The following RBMS3 variants were observed in gnomAD, a reference collection of about 807,000 sequenced individuals.
RBMS3 encodes the protein RNA binding motif single stranded interacting protein 3, also known as RNA-binding motif, single-stranded-interacting protein 3.
In RBMS3, 27 loss-of-function variants were observed where a neutral mutation model predicts 66.8. The observed-to-expected ratio is 0.40, with a 90% CI of 0.30 to 0.56. The LOEUF (loss-of-function observed/expected upper bound fraction) is 0.56. Among genes scored for constraint, RBMS3 ranks in the 20% least tolerant of loss-of-function variants. RBMS3 has a pLI of 0.40. For synonymous variants in RBMS3, 188 were observed against 183.0 expected (o/e 1.03, Z -0.22); for missense variants, 513 against 549.5 (o/e 0.93, Z 0.66).
chr3:29,621,084 A>G (rs768390988), intron 4 of RBMS3, among the ~76,000 whole-genome samples: 2 of 152,198 alleles, frequency 1.3e-5, no homozygotes, highest in Middle Eastern at 3.4e-3. Flanking sequence ...ATGCAGGCCC[A>G]TGTCAGAATT....
chr3:29,743,037 C>T (rs1168305431), intron 5 of RBMS3, among the ~76,000 whole-genome samples: 1 of 152,254 alleles, frequency 6.6e-6, no homozygotes, highest in South Asian at 2.1e-4. Flanking sequence ...AAAAGTATTT[C>T]GTTCTCCATG....
chr3:29,348,144 T>C (rs2036689062), intron 1 of RBMS3, among the ~76,000 whole-genome samples: 1 of 152,212 alleles, frequency 6.6e-6, no homozygotes, highest in Non-Finnish European at 1.5e-5. Context: ...TCCGGGATGC[T>C]GCATACTTGA....
intron 4 of RBMS3, among the ~76,000 whole-genome samples, chr3:29,643,406 C>T (rs1035279539): frequency 1.3e-5 from 2 of 152,058 alleles, no homozygotes; most frequent in African/African-American, 4.8e-5. Context: ...TGACTTCTTC[C>T]CCCAGAGTGG....
At chr3:29,461,741 T>G (rs2042373779) in intron 2 of RBMS3, among the ~76,000 whole-genome samples, 1 of 149,828 alleles carries the variant, frequency 6.7e-6, no homozygotes, top group Admixed American at 6.6e-5. Flanking sequence ...ATTTTCTGAG[T>G]CTCTACTTCT....
At chr3:29,730,074 T>G (rs931890973) in intron 4 of RBMS3, among the ~76,000 whole-genome samples, 8 of 151,940 alleles carry the variant, frequency 5.3e-5, no homozygotes, top group African/African-American at 1.9e-4. Flanking sequence ...CAACAAATAG[T>G]TTATATAAAA....
At chr3:29,562,803 G>A (rs1559471173) in intron 3 of RBMS3, among the ~76,000 whole-genome samples, 1 of 152,100 alleles carries the variant, frequency 6.6e-6, no homozygotes, top group Non-Finnish European at 1.5e-5. Context: ...CATAAGCATA[G>A]GTTATCTTTG....
chr3:29,960,112 C>G (rs1696326074), intron 12 of RBMS3, among the ~76,000 whole-genome samples: 7 of 152,122 alleles, frequency 4.6e-5, no homozygotes, highest in Admixed American at 3.3e-4. Flanking sequence ...TTCCTTCCAC[C>G]TATGAGCCTG....
intron 4 of RBMS3, among the ~76,000 whole-genome samples, chr3:29,725,968 T>C (rs1175329015): frequency 6.6e-6 from 1 of 152,142 alleles, no homozygotes; most frequent in Non-Finnish European, 1.5e-5. Flanking sequence ...AATAAAATAC[T>C]TGCAAACCGA....
chr3:29,994,234 T>G (rs1302901657), intron 14 of RBMS3, among the ~76,000 whole-genome samples: 1 of 152,162 alleles, frequency 6.6e-6, no homozygotes, highest in African/African-American at 2.4e-5. Flanking sequence ...GCTTAAAAAA[T>G]GGCGCACCAC....
intron 4 of RBMS3, among the ~76,000 whole-genome samples, chr3:29,680,375 A>T (rs781457994): frequency 6.6e-6 from 1 of 152,194 alleles, no homozygotes; most frequent in Non-Finnish European, 1.5e-5. Context: ...GAGCATAGCG[A>T]GTTCTAAGCA....
chr3:29,919,006 T>C (rs755982532), intron 10 of RBMS3, among the ~76,000 whole-genome samples: 63 of 152,264 alleles, frequency 4.1e-4, no homozygotes, highest in Middle Eastern at 6.8e-3. Context: ...TTTTTCTTTT[T>C]ATATATGCTT....
intron 5 of RBMS3, among the ~76,000 whole-genome samples, chr3:29,756,851 C>G (rs978141915): frequency 6.6e-6 from 1 of 152,162 alleles, no homozygotes; most frequent in Non-Finnish European, 1.5e-5. Flanking sequence ...GGCCAAGCAT[C>G]AGGGAAGGAG....
At chr3:29,300,085 A>G (rs2033569462) in intron 1 of RBMS3, among the ~76,000 whole-genome samples, 1 of 152,010 alleles carries the variant, frequency 6.6e-6, no homozygotes, top group African/African-American at 2.4e-5. Context: ...ACTAATAATC[A>G]AAGAAATAAT....
At chr3:29,896,208 C>T (rs1011188627) in intron 8 of RBMS3, among the ~76,000 whole-genome samples, 6 of 151,280 alleles carry the variant, frequency 4.0e-5, no homozygotes, top group Non-Finnish European at 7.4e-5. Context: ...TTCCTTGAAT[C>T]CTGACAACCT....
chr3:29,762,856 A>G (rs2055753603), intron 5 of RBMS3, 54 bp from the exon 6 acceptor site: 2 of 1,227,896 alleles, frequency 1.6e-6, no homozygotes, highest in Admixed American at 4.4e-5. Context: ...TTACTTCTTA[A>G]GTTTCTTTTT....
chr3:29,757,512 G>A (rs1270610669), intron 5 of RBMS3, among the ~76,000 whole-genome samples: 2 of 152,172 alleles, frequency 1.3e-5, no homozygotes, highest in Non-Finnish European at 2.9e-5. Context: ...CGGAACAGGA[G>A]TTTTCAACCC....
chr3:29,422,678 ATTAAT>A (rs2040802729), intron 1 of RBMS3, among the ~76,000 whole-genome samples: 1 of 152,124 alleles, frequency 6.6e-6, no homozygotes, highest in African/African-American at 2.4e-5. Context: ...AAACTTGAAC[ATTAAT>A]TTATTCTCAT....
At chr3:29,642,585 C>T (rs1016136805) in intron 4 of RBMS3, 7 of 152,116 alleles carry the variant, frequency 4.6e-5, no homozygotes, top group Non-Finnish European at 8.8e-5. Flanking sequence ...GCCCCAGTCA[C>T]TGCAAACATT....
At chr3:29,398,824 T>C (rs2039673711) in intron 1 of RBMS3, among the ~76,000 whole-genome samples, 1 of 152,202 alleles carries the variant, frequency 6.6e-6, no homozygotes. Context: ...ATAGTGGATC[T>C]ACACACAAGA....
Sources: allele counts gnomAD v4.1 joint callset (sites outside exome capture counted in the v4.1 genomes callset), GRCh38; gene constraint gnomAD v4.1.1; transcripts MANE v1.5; gene names NCBI Gene and HGNC (gene_info 2026-07-23, HGNC 2026-07-21).